Variants in CAPRIN2 observed in about 807,000 individuals in gnomAD.
The protein encoded by CAPRIN2 is caprin family member 2, also known as caprin-2.
In CAPRIN2, 66 loss-of-function variants were observed where a neutral mutation model predicts 130.4. The observed-to-expected ratio is 0.51, with a 90% CI of 0.42 to 0.62. The LOEUF is 0.62. Among genes scored for constraint, CAPRIN2 ranks in the 20% least tolerant of loss-of-function variants. CAPRIN2 has a pLI of 0.00. For synonymous variants in CAPRIN2, 471 were observed against 444.1 expected, an observed-to-expected ratio of 1.06 and a Z score of -0.76; for missense variants, 1,185 against 1,246.6, an observed-to-expected ratio of 0.95 and a Z score of 0.74.
chr12:30,746,764 T>A (rs1300368150), intron 2 of CAPRIN2, among the ~76,000 whole-genome samples: 2 of 152,180 alleles, frequency 1.3e-5, no homozygotes, highest in Non-Finnish European at 2.9e-5. Context: ...CAGAAGCTGG[T>A]TCATGAGGTT....
chr12:30,740,656 CTA>C (rs1230912731), intron 3 of CAPRIN2, among the ~76,000 whole-genome samples: 1 of 152,038 alleles, frequency 6.6e-6, no homozygotes, highest in African/African-American at 2.4e-5. Flanking sequence ...TGAAAGAAGC[CTA>C]TCTTATATAA....
chr12:30,720,171 C>A (rs960662681), intron 12 of CAPRIN2: 1 of 152,158 alleles, frequency 6.6e-6, no homozygotes, highest in Admixed American at 6.5e-5. Flanking sequence ...GCAACCCCCG[C>A]CTCCTGGGTT....
chr12:30,753,379 G>C (rs771895116), exon 1 of CAPRIN2: 1 of 1,612,922 alleles, frequency 6.2e-7, no homozygotes, highest in East Asian at 2.2e-5. Context: ...TTGTGTTTAA[G>C]GCATATGAGT....
intron 10 of CAPRIN2, 146 bp downstream of exon 11, chr12:30,724,224 A>G (rs1472456311): frequency 3.1e-5 from 18 of 589,858 alleles, no homozygotes; most frequent in Non-Finnish European, 4.9e-5. Context: ...TTACCCACAT[A>G]TAACTGGTAA....
At chr12:30,740,002 A>T (rs2066684377) in intron 3 of CAPRIN2, among the ~76,000 whole-genome samples, 1 of 152,226 alleles carries the variant, frequency 6.6e-6, no homozygotes, top group Non-Finnish European at 1.5e-5. Flanking sequence ...GTATACTTCT[A>T]ACCATATTTG....
intron 13 of CAPRIN2, 124 bp from the exon 16 acceptor site, chr12:30,715,265 T>G: frequency 1.5e-6 from 1 of 687,620 alleles, no homozygotes; most frequent in Non-Finnish European, 2.5e-6. Flanking sequence ...AGGAGATACA[T>G]ATATTCATGT....
Position 30,710,652 on chromosome 12 carries a change from T to C in CAPRIN2, c.2666-182A>G. Reference sequence around the variant, plus strand: ...TCTGGTAATAGGTTTTTACATACTCTTCTAAAGCCAGAAAGGTCCAAGATA... The same window carrying C: ...TCTGGTAATAGGTTTTTACATACTCCTCTAAAGCCAGAAAGGTCCAAGATA... On this transcript the variant is annotated intron_variant, in intron 16 of 16. Transcript: ENST00000298892. The surrounding 1 kb of genome is among the most constrained non-coding windows in gnomAD (Gnocchi z 4.8). 1.1e-6 allele frequency: 1 copy of C among 881,526 alleles called. No homozygotes were observed. The highest frequency in any genetic ancestry group is 1.9e-5 in the South Asian group (1 of 53,314). The allele number at this position is 881,526 out of a possible 1,614,324, so 54.6% of individuals were successfully genotyped here.
intron 14 of CAPRIN2, among the ~76,000 whole-genome samples, chr12:30,714,213 GCTCTGTTA>G (rs777581914): frequency 3.5e-4 from 53 of 152,126 alleles, no homozygotes; most frequent in Admixed American, 1.3e-4. Context: ...GCAGTGCCTC[GCTCTGTTA>G]CTCAGGCTGG....
At chr12:30,741,096 T>A in exon 3 of CAPRIN2, 1 of 1,601,078 alleles carries the variant, frequency 6.2e-7, no homozygotes, top group Non-Finnish European at 8.5e-7. Flanking sequence ...TTCATATTTC[T>A]CTACAGCTTC....
At chr12:30,739,865 G>A (rs767910378) in intron 3 of CAPRIN2, among the ~76,000 whole-genome samples, 8 of 152,072 alleles carry the variant, frequency 5.3e-5, no homozygotes, top group African/African-American at 1.9e-4. Context: ...TTTTTTACAC[G>A]TTTTTAATCT....
intron 2 of CAPRIN2, among the ~76,000 whole-genome samples, chr12:30,749,905 A>T (rs2072868533): frequency 1.3e-5 from 2 of 152,222 alleles, no homozygotes; most frequent in Admixed American, 1.3e-4. Context: ...AATGAAATAT[A>T]GCATGTCTTT....
intron 8 of CAPRIN2, among the ~76,000 whole-genome samples, chr12:30,726,667 T>C (rs1309179620): frequency 6.7e-6 from 1 of 148,862 alleles, no homozygotes; most frequent in Non-Finnish European, 1.5e-5. Flanking sequence ...TTACAGTTAC[T>C]TTTTATAGCT....
intron 12 of CAPRIN2, among the ~76,000 whole-genome samples, chr12:30,717,307 A>C (rs1223290008): frequency 1.3e-5 from 2 of 152,254 alleles, no homozygotes; most frequent in Non-Finnish European, 2.9e-5. Flanking sequence ...AACATTATGC[A>C]AAGTGCAGTA....
In CAPRIN2 at chr12:30,710,051, C is replaced by T. The variant is rs753786665; in HGVS notation, c.3085G>A (p.Gly1029Ser). The T allele has an allele frequency of 3.7e-6, 6 of 1,614,070 alleles. No homozygotes were observed. The highest frequency in any genetic ancestry group is 1.6e-4 in the Middle Eastern group (1 of 6,062). The change falls in exon 17 of 17, where the codon GGT (glycine) becomes AGT (serine). Residue 1029 changes from glycine to serine, a missense_variant. By Grantham distance (56) the Gly-to-Ser change is moderately conservative. This residue lies in a region of CAPRIN2 where 81 missense variants were observed against 142.2 expected (regional missense o/e 0.57). Coordinates refer to ENST00000298892, the Ensembl canonical transcript of CAPRIN2. The surrounding 1 kb of genome is among the most constrained non-coding windows in gnomAD (Gnocchi z 4.8). ...CTAGCAGTTTCATGGTCTGGAGCAC[C>T]ATCATTGGCATAGGCTGATACCAAG...
chr12:30,738,859 T>C (rs2066037398), intron 3 of CAPRIN2, among the ~76,000 whole-genome samples: 1 of 152,168 alleles, frequency 6.6e-6, no homozygotes, highest in African/African-American at 2.4e-5. Flanking sequence ...TGAGATGCCA[T>C]CTCATACCAG....
At chr12:30,740,510 A>G (rs553484013) in intron 3 of CAPRIN2, among the ~76,000 whole-genome samples, 3 of 152,292 alleles carry the variant, frequency 2.0e-5, no homozygotes, top group South Asian at 2.1e-4. Context: ...AAAATTTTGA[A>G]CTGCCAACAT....
chr12:30,733,228 A>G (rs2063344082), intron 5 of CAPRIN2, among the ~76,000 whole-genome samples: 1 of 152,176 alleles, frequency 6.6e-6, no homozygotes, highest in African/African-American at 2.4e-5. Flanking sequence ...TCAATAGACT[A>G]TAAAACCATT....
At chr12:30,737,919 G>A (rs958736464) in intron 3 of CAPRIN2, among the ~76,000 whole-genome samples, 4 of 151,984 alleles carry the variant, frequency 2.6e-5, no homozygotes, top group Non-Finnish European at 2.9e-5. Context: ...TTTCTTAATC[G>A]AGACTCAGAA....
intron 1 of CAPRIN2, among the ~76,000 whole-genome samples, chr12:30,752,457 C>A (rs1325916817): frequency 6.6e-6 from 1 of 151,866 alleles, no homozygotes; most frequent in Non-Finnish European, 1.5e-5. Flanking sequence ...GGAATTTGTG[C>A]TGACCTGGCA....
Sources: gnomAD v4.1 joint callset for allele counts (sites outside exome capture counted in the v4.1 genomes callset) on GRCh38, gnomAD v4.1.1 for gene constraint, gnomAD v4.1.1 regional missense constraint, Gnocchi (gnomAD v3.1) non-coding constraint, MANE v1.5 for transcripts, NCBI Gene and HGNC (gene_info 2026-07-23, HGNC 2026-07-21) for gene names.